The following PRKAR2B variants were observed in gnomAD, a reference collection of about 807,000 sequenced individuals.
PRKAR2B encodes protein kinase cAMP-dependent type II regulatory subunit beta.
Under a neutral mutation model 49.9 loss-of-function variants are expected in PRKAR2B, and 14 were observed. The observed-to-expected ratio is 0.28, with a 90% confidence interval of 0.19 to 0.44. PRKAR2B has a LOEUF of 0.44. Among genes scored for constraint, PRKAR2B ranks in the 20% least tolerant of loss-of-function variants. The probability of loss-of-function intolerance (pLI) is 1.00; values close to 1 mark genes in which losing one functional copy is unlikely to be tolerated. For missense variants in PRKAR2B, 393 were observed against 537.9 expected (o/e 0.73, Z 2.67); for synonymous variants, 196 against 197.7 (o/e 0.99, Z 0.07).
intron 2 of PRKAR2B, among the ~76,000 whole-genome samples, chr7:107,100,599 A>AT (rs984010877): frequency 3.9e-5 from 6 of 152,202 alleles, no homozygotes; most frequent in African/African-American, 1.2e-4. Flanking sequence ...CTCTGTTTCC[A>AT]TTTTTTATGG....
intron 2 of PRKAR2B, among the ~76,000 whole-genome samples, chr7:107,074,647 A>C (rs148866753): frequency 9.7e-4 from 147 of 151,976 alleles, no homozygotes; most frequent in African/African-American, 3.3e-3. Context: ...AAAAATACAA[A>C]AATTAGCTGG....
At chr7:107,117,843 G>T (rs957787535) in intron 2 of PRKAR2B, among the ~76,000 whole-genome samples, 3 of 152,108 alleles carry the variant, frequency 2.0e-5, no homozygotes, top group African/African-American at 7.2e-5. Context: ...CCATTGTCTG[G>T]CTACACCAGT....
chr7:107,091,699 A>G (rs1266912244), intron 2 of PRKAR2B: 4 of 152,202 alleles, frequency 2.6e-5, no homozygotes, highest in Non-Finnish European at 5.9e-5. Flanking sequence ...GGAAAAGGCA[A>G]TCAGTTTTAA....
chr7:107,153,326 C>G, intron 8 of PRKAR2B, 75 bp downstream of exon 8: 1 of 1,059,600 alleles, frequency 9.4e-7, no homozygotes, highest in Non-Finnish European at 1.4e-6. Flanking sequence ...TCTTGATAAA[C>G]TTTTCATATT....
intron 4 of PRKAR2B, among the ~76,000 whole-genome samples, chr7:107,138,190 C>A (rs576186276): frequency 6.6e-6 from 1 of 152,188 alleles, no homozygotes; most frequent in South Asian, 2.1e-4. Context: ...ATTTGTCAAA[C>A]CCATAGAATG....
rs79876552 is a variant in PRKAR2B, at chr7:107,061,093, A to G, written c.308-9188A>G. Among the ~76,000 whole-genome samples the G allele has an allele frequency of 4.6e-3, 698 of 152,004 alleles. 5 individuals are homozygous for G. Among genetic ancestry groups the G allele is most frequent in the African/African-American group, 0.016 (675 of 41,494 alleles). On this transcript the variant is annotated intron_variant, in intron 1 of 10. Coordinates refer to ENST00000265717, the MANE Select transcript of PRKAR2B (RefSeq NM_002736.3). ...GTACTTCAAGCTTCTGTTCTGTTCT[A>G]TTGGGTTTGCTGTCCTTTCCTCAAT...
At chr7:107,113,128 T>A (rs757412189) in intron 2 of PRKAR2B, among the ~76,000 whole-genome samples, 7 of 152,218 alleles carry the variant, frequency 4.6e-5, no homozygotes, top group Non-Finnish European at 1.0e-4. Flanking sequence ...CTAGGCAGCA[T>A]TCATCTCAAA....
chr7:107,131,781 T>C (rs1301046749), intron 4 of PRKAR2B, among the ~76,000 whole-genome samples: 1 of 152,232 alleles, frequency 6.6e-6, no homozygotes, highest in Non-Finnish European at 1.5e-5. Flanking sequence ...TTAGAGGTTT[T>C]AGTTTAAGCT....
intron 2 of PRKAR2B, among the ~76,000 whole-genome samples, chr7:107,101,135 A>ATTTTT (rs950761298): frequency 7.6e-4 from 72 of 94,690 alleles, no homozygotes; most frequent in South Asian, 1.1e-3. Context: ...GTTGTTGCTT[A>ATTTTT]TTTTTTTTTT....
intron 2 of PRKAR2B, among the ~76,000 whole-genome samples, chr7:107,111,101 C>CT (rs1271390843): frequency 3.3e-5 from 5 of 152,218 alleles, no homozygotes. Context: ...AGAGCCCTCC[C>CT]TAAGGGAACA....
chr7:107,063,961 C>T (rs528972897), intron 1 of PRKAR2B, among the ~76,000 whole-genome samples: 5 of 152,200 alleles, frequency 3.3e-5, no homozygotes, highest in South Asian at 2.1e-4. Flanking sequence ...TGAATCTGAC[C>T]GTACAGACTT....
chr7:107,135,213 G>C (rs543946862), intron 4 of PRKAR2B, among the ~76,000 whole-genome samples: 1 of 152,144 alleles, frequency 6.6e-6, no homozygotes, highest in East Asian at 1.9e-4. Flanking sequence ...GTGGTTAGTC[G>C]TTAGAGAAAT....
At chr7:107,085,526 A>G (rs1245623562) in intron 2 of PRKAR2B, among the ~76,000 whole-genome samples, 1 of 152,202 alleles carries the variant, frequency 6.6e-6, no homozygotes, top group Non-Finnish European at 1.5e-5. Context: ...GTAGTACAGA[A>G]GAGTATAAAA....
intron 1 of PRKAR2B, among the ~76,000 whole-genome samples, chr7:107,056,030 A>T (rs1225480763): frequency 6.6e-6 from 1 of 152,236 alleles, no homozygotes; most frequent in African/African-American, 2.4e-5. Flanking sequence ...AGCTTCCTAC[A>T]TATGGCTAGC....
intron 3 of PRKAR2B, among the ~76,000 whole-genome samples, chr7:107,126,251 C>CAAAAAAA (rs528961832): frequency 2.3e-5 from 2 of 85,434 alleles, no homozygotes; most frequent in African/African-American, 4.2e-5. Context: ...ATACAAAATA[C>CAAAAAAA]AAAAAAAAAA....
intron 1 of PRKAR2B, among the ~76,000 whole-genome samples, chr7:107,063,966 A>G (rs975262802): frequency 6.6e-6 from 1 of 152,232 alleles, no homozygotes; most frequent in Non-Finnish European, 1.5e-5. Context: ...CTGACCGTAC[A>G]GACTTAAAAG....
rs151314527 is a variant in PRKAR2B, at chr7:107,117,063, C to T, written c.344-4889C>T. On this transcript the variant is annotated intron_variant, in intron 2 of 10. Coordinates refer to ENST00000265717, the MANE Select transcript of PRKAR2B (RefSeq NM_002736.3). ...ACCCCCAGTCTTTTTGGACTGTTGC[C>T]CCCTAAATGCCCCCAATGAGATTTT... 9.6e-4 allele frequency among the ~76,000 whole-genome samples: 140 copies of T among 145,374 alleles called. 2 individuals are homozygous for T. The highest frequency in any genetic ancestry group is 3.3e-3 in the African/African-American group (129 of 39,042).
At chr7:107,115,849 A>C (rs1251461157) in intron 2 of PRKAR2B, among the ~76,000 whole-genome samples, 3 of 152,160 alleles carry the variant, frequency 2.0e-5, no homozygotes, top group Non-Finnish European at 4.4e-5. Flanking sequence ...ATGCAATGTG[A>C]TATATATTCC....
intron 4 of PRKAR2B, among the ~76,000 whole-genome samples, chr7:107,131,277 C>T (rs2115612542): frequency 1.3e-5 from 2 of 152,290 alleles, no homozygotes; most frequent in Middle Eastern, 6.8e-3. Context: ...TTATGCTTTC[C>T]TGGGATGTTG....
Sources: allele counts gnomAD v4.1 joint callset (sites outside exome capture counted in the v4.1 genomes callset), GRCh38; gene constraint gnomAD v4.1.1; transcripts MANE v1.5; gene names NCBI Gene and HGNC (gene_info 2026-07-23, HGNC 2026-07-21).